The following CPAMD8 variants were observed in gnomAD, a reference collection of about 807,000 sequenced individuals.
The protein encoded by CPAMD8 is C3 and PZP like alpha-2-macroglobulin domain containing 8.
In CPAMD8, 146 loss-of-function variants were observed where a neutral mutation model predicts 224.7. That is an observed-to-expected ratio of 0.65 (90% confidence interval 0.57 to 0.75). The LOEUF is 0.75. Ranked by LOEUF, CPAMD8 falls within the 30% of genes least tolerant of loss-of-function variation. CPAMD8 has a pLI of 0.00. For missense variants in CPAMD8, 2,301 were observed against 2,537.5 expected (o/e 0.91, Z 2.00); for synonymous variants, 966 against 1,044.6 (o/e 0.92, Z 1.45).
intron 32 of CPAMD8, 50 bp downstream of exon 32, chr19:16,904,176 A>AGGGGCCCCC: frequency 1.1e-6 from 1 of 937,336 alleles, no homozygotes; most frequent in East Asian, 2.6e-5. Context: ...GACTGCAGGG[A>AGGGGCCCCC]CCCCACCCAC....
chr19:16,957,075 G>A (rs1204676861), intron 19 of CPAMD8, among the ~76,000 whole-genome samples: 1 of 152,198 alleles, frequency 6.6e-6, no homozygotes, highest in South Asian at 2.1e-4. Context: ...CTTACAGCTG[G>A]GCCCCCAGAA....
intron 19 of CPAMD8, among the ~76,000 whole-genome samples, chr19:16,954,945 G>T (rs1412482985): frequency 6.6e-6 from 1 of 152,170 alleles, no homozygotes; most frequent in African/African-American, 2.4e-5. Context: ...TGGGTAACAC[G>T]GTGAAACCCC....
At chr19:16,907,362 C>T in intron 29 of CPAMD8, 1 of 290,992 alleles carries the variant, frequency 3.4e-6, no homozygotes, top group Non-Finnish European at 5.7e-6. Context: ...AATCCCAGCA[C>T]TTTGGGAGGC....
chr19:16,973,827 C>CTT (rs559363114), intron 17 of CPAMD8, among the ~76,000 whole-genome samples: 93 of 118,294 alleles, frequency 7.9e-4, no homozygotes, highest in East Asian at 1.1e-3. Flanking sequence ...AGCATTAGCC[C>CTT]TTTTTTTTTT....
chr19:16,902,598 G>T (rs375227628), intron 35 of CPAMD8, 51 bp downstream of exon 35: 3 of 1,208,060 alleles, frequency 2.5e-6, no homozygotes, highest in African/African-American at 3.0e-5. Context: ...CATCCTCTCC[G>T]CACATTGCAC....
Position 16,904,533 on chromosome 19 carries a change from G to A in CPAMD8, c.4047C>T (p.Ser1349=). The change falls in exon 31 of 42, where the codon AGC becomes AGT. Residue 1349 remains serine (S), a synonymous_variant. Transcript: ENST00000443236. Reference sequence around the variant, plus strand: ...TGTCCACGTCCCAGGAATTTGACAGGCTCCAGTGGGTGACCCCATCTGCAA... The same window carrying A: ...TGTCCACGTCCCAGGAATTTGACAGACTCCAGTGGGTGACCCCATCTGCAA... ...AIMRDGVTHW[S]LSNSWDVDKG... is the part of the protein sequence containing the mutation. 1 of 1,613,596 alleles carries A rather than the reference G, an allele frequency of 6.2e-7. No individual in the cohort carries two copies. Among genetic ancestry groups the A allele is most frequent in the Non-Finnish European group, 8.5e-7 (1 of 1,179,488 alleles).
At chr19:17,012,966 T>C (rs1599914407) in intron 3 of CPAMD8, among the ~76,000 whole-genome samples, 1 of 151,232 alleles carries the variant, frequency 6.6e-6, no homozygotes, top group Non-Finnish European at 1.5e-5. Flanking sequence ...GCGGATCACC[T>C]GAGGTCAGGA....
intron 27 of CPAMD8, among the ~76,000 whole-genome samples, chr19:16,920,596 C>T (rs146948972): frequency 6.2e-4 from 95 of 152,238 alleles, no homozygotes; most frequent in African/African-American, 2.2e-3. Context: ...TGGCTCACGC[C>T]TGTAATCCCA....
intron 18 of CPAMD8, among the ~76,000 whole-genome samples, chr19:16,959,858 A>C (rs988344591): frequency 2.0e-5 from 3 of 152,124 alleles, no homozygotes; most frequent in Non-Finnish European, 4.4e-5. Context: ...ATCTTCTTTG[A>C]AAAGTGTCTG....
chr19:16,903,928 TG>T, intron 32 of CPAMD8, 71 bp from the exon 33 acceptor site: 1 of 1,486,136 alleles, frequency 6.7e-7, no homozygotes. Context: ...AACCCCGTCT[TG>T]GAAGCCTAGC....
In CPAMD8 at chr19:16,946,995, C is replaced by T. The variant is rs2054123513; in HGVS notation, c.2662+79G>A. 6 of 1,450,672 alleles carry T rather than the reference C, an allele frequency of 4.1e-6. No individual in the cohort carries two copies. In the South Asian group the frequency reaches 6.8e-5, roughly 16 times the overall value. 89.9% of individuals were successfully genotyped at this position (1,450,672 alleles called of 1,614,324 possible). A position where few individuals can be genotyped will look rare whatever the true frequency, so the allele number is the denominator to read the frequency against. On this transcript the variant is annotated intron_variant, in intron 21 of 41. Transcript: ENST00000443236. ...CTTACCTGCTGCCCCATCCACCCCTCATCCCCAACTCGGGTCAATGCCAGG... is the reference window on the plus strand; with the variant it reads ...CTTACCTGCTGCCCCATCCACCCCTTATCCCCAACTCGGGTCAATGCCAGG...
chr19:16,900,605 T>C (rs1025549762), intron 36 of CPAMD8, among the ~76,000 whole-genome samples: 2 of 151,086 alleles, frequency 1.3e-5, no homozygotes, highest in African/African-American at 4.9e-5. Flanking sequence ...CAAATAATAA[T>C]AATAATAATA....
intron 1 of CPAMD8, among the ~76,000 whole-genome samples, chr19:17,025,145 T>G (rs1334575207): frequency 6.6e-6 from 1 of 152,194 alleles, no homozygotes; most frequent in East Asian, 1.9e-4. Context: ...GCACGGTGAC[T>G]CACGCCTCTA....
In CPAMD8 at chr19:16,898,091, C is replaced by A; in HGVS notation, c.4849-97G>T. ...TGGCTGATTTCAGGGATACCCAGGA[C>A]GCGTGAAACACAGAAGAAACGTGAT... is the stretch of plus-strand genomic sequence containing the variant. On this transcript the variant is annotated intron_variant, in intron 37 of 41. Transcript: ENST00000443236. This position sits in a 1 kb window ranked among gnomAD's most constrained non-coding sequence, Gnocchi z 4.2. 1.3e-6 allele frequency: 1 copy of A among 743,786 alleles called. No individual in the cohort carries two copies. The highest frequency in any genetic ancestry group is 1.6e-5 in the South Asian group (1 of 61,566). 46.1% of individuals were successfully genotyped at this position (743,786 alleles called of 1,614,324 possible).
At chr19:16,989,903 C>G (rs991401199) in intron 12 of CPAMD8, 132 bp from the exon 13 acceptor site, 14 of 838,924 alleles carry the variant, frequency 1.7e-5, no homozygotes, top group Non-Finnish European at 2.5e-5. Context: ...GAACCCCCTC[C>G]CCAATCCTCA....
intron 22 of CPAMD8, 38 bp from the exon 23 acceptor site, chr19:16,938,484 GGT>G: frequency 7.6e-7 from 1 of 1,316,474 alleles, no homozygotes; most frequent in South Asian, 1.3e-5. Context: ...GTGCTGGGGC[GGT>G]GAGGGGGATG....
rs144668398 is a variant in CPAMD8, at chr19:16,938,243, G to A, written c.2845+152C>T. On this transcript the variant is annotated intron_variant, in intron 23 of 41. Coordinates refer to ENST00000443236, the MANE Select transcript of CPAMD8 (RefSeq NM_015692.5). ...TCTGCCTGTCCCCAGCTGGGACATC[G>A]TTCTTCCTAAACCACAGTGCCCCCT... The A allele has an allele frequency of 2.1e-3, 1,107 of 528,804 alleles. 7 individuals carry two copies. Among genetic ancestry groups the A allele is most frequent in the African/African-American group, 0.01 (505 of 49,544 alleles). 32.8% of individuals were successfully genotyped at this position (528,804 alleles called of 1,614,324 possible). A position where few individuals can be genotyped will look rare whatever the true frequency, so the allele number is the denominator to read the frequency against.
At chr19:17,016,365 C>T (rs1356831024) in intron 3 of CPAMD8, among the ~76,000 whole-genome samples, 2 of 152,176 alleles carry the variant, frequency 1.3e-5, no homozygotes, top group African/African-American at 4.8e-5. Context: ...CTTACAAATT[C>T]CCAGCATCTG....
intron 22 of CPAMD8, among the ~76,000 whole-genome samples, chr19:16,944,209 G>A (rs999304699): frequency 3.3e-5 from 5 of 152,204 alleles, no homozygotes; most frequent in African/African-American, 9.6e-5. Flanking sequence ...GAGGTAGGAG[G>A]AGCATTTTGC....
Sources: gnomAD v4.1 joint callset for allele counts (sites outside exome capture counted in the v4.1 genomes callset) on GRCh38, gnomAD v4.1.1 for gene constraint, Gnocchi (gnomAD v3.1) non-coding constraint, MANE v1.5 for transcripts, NCBI Gene and HGNC (gene_info 2026-07-23, HGNC 2026-07-21) for gene names.